The following PLXNA4 variants were observed in gnomAD, a reference collection of about 807,000 sequenced individuals.
PLXNA4 encodes plexin A4.
A neutral mutation model predicts 191.8 loss-of-function variants in PLXNA4; 44 were observed. The observed-to-expected ratio is 0.23, with a 90% CI of 0.18 to 0.29. The LOEUF (loss-of-function observed/expected upper bound fraction) is 0.29, where lower values mean the gene tolerates loss of function less well. Among genes scored for constraint, PLXNA4 ranks in the 10% least tolerant of loss-of-function variants. The pLI is 1.00. For missense variants in PLXNA4, 1,800 were observed against 2,488.8 expected, an observed-to-expected ratio of 0.72 and a Z score of 5.89; for synonymous variants, 1,082 against 1,009.5, an observed-to-expected ratio of 1.07 and a Z score of -1.36.
chr7:132,526,469 C>T (rs1031129118), intron 1 of PLXNA4, among the ~76,000 whole-genome samples: 1 of 152,170 alleles, frequency 6.6e-6, no homozygotes, highest in South Asian at 2.1e-4. Flanking sequence ...TCTATCGGAA[C>T]AAAGTGTAGG....
intron 3 of PLXNA4, among the ~76,000 whole-genome samples, chr7:132,449,331 C>T (rs995520892): frequency 6.6e-6 from 1 of 152,196 alleles, no homozygotes; most frequent in Non-Finnish European, 1.5e-5. Flanking sequence ...TTCAACTGTG[C>T]ACCTTGAACA....
chr7:132,282,942 T>C (rs1800540664), intron 4 of PLXNA4, among the ~76,000 whole-genome samples: 1 of 152,132 alleles, frequency 6.6e-6, no homozygotes, highest in Non-Finnish European at 1.5e-5. Flanking sequence ...AGTGGCACCA[T>C]CACAGCTCAC....
At chr7:132,354,753 T>C (rs1337059311) in intron 3 of PLXNA4, among the ~76,000 whole-genome samples, 1 of 152,140 alleles carries the variant, frequency 6.6e-6, no homozygotes, top group Admixed American at 6.5e-5. Context: ...CACGTACAGA[T>C]GTGGCAAAGG....
At chr7:132,210,816 A>G in intron 10 of PLXNA4, 127 bp downstream of exon 10, 1 of 1,035,820 alleles carries the variant, frequency 9.7e-7, no homozygotes, top group Non-Finnish European at 1.4e-6. Flanking sequence ...TGGGGGAAGC[A>G]GGTAGGCAGT....
intron 3 of PLXNA4, among the ~76,000 whole-genome samples, chr7:132,371,700 G>A (rs1471663585): frequency 6.6e-6 from 1 of 152,186 alleles, no homozygotes; most frequent in Non-Finnish European, 1.5e-5. Context: ...CCTTGAAAGG[G>A]ATGAATTAAA....
intron 3 of PLXNA4, among the ~76,000 whole-genome samples, chr7:132,394,178 C>T (rs975634998): frequency 2.6e-5 from 4 of 152,124 alleles, no homozygotes; most frequent in Non-Finnish European, 5.9e-5. Flanking sequence ...TTGCATACAG[C>T]CCCTGGGCCG....
At chr7:132,212,717 G>C (rs1797842866) in intron 9 of PLXNA4, among the ~76,000 whole-genome samples, 1 of 152,202 alleles carries the variant, frequency 6.6e-6, no homozygotes, top group African/African-American at 2.4e-5. Context: ...GGGAAGCTAG[G>C]AGACAGAGAG....
chr7:132,582,128 A>G (rs1802413303), upstream of PLXNA4, among the ~76,000 whole-genome samples: 2 of 152,308 alleles, frequency 1.3e-5, no homozygotes, highest in Non-Finnish European at 2.9e-5. Flanking sequence ...GTATGCCTGC[A>G]TTACAAGGAC....
intron 1 of PLXNA4, among the ~76,000 whole-genome samples, chr7:132,551,993 G>C (rs926389387): frequency 6.6e-6 from 1 of 152,106 alleles, no homozygotes; most frequent in Non-Finnish European, 1.5e-5. Flanking sequence ...GAAGGGGGTG[G>C]GGGGAAGGAG....
chr7:132,370,607 G>A (rs1197704791), intron 3 of PLXNA4, among the ~76,000 whole-genome samples: 1 of 152,108 alleles, frequency 6.6e-6, no homozygotes, highest in African/African-American at 2.4e-5. Flanking sequence ...CAGCTATCCT[G>A]GACTCTGTTT....
intron 3 of PLXNA4, among the ~76,000 whole-genome samples, chr7:132,488,182 T>A (rs1377899411): frequency 1.3e-5 from 2 of 152,118 alleles, no homozygotes; most frequent in Non-Finnish European, 2.9e-5. Context: ...CACTCTGGGG[T>A]GCCCGCCTCT....
chr7:132,508,195 C>T lies in PLXNA4; in HGVS notation c.499G>A (p.Gly167Ser), dbSNP rs534539514. 10 of 1,614,190 alleles carry T rather than the reference C, an allele frequency of 6.2e-6. No homozygotes were observed. Among genetic ancestry groups the T allele is most frequent in the Admixed American group, 1.7e-5 (1 of 60,022 alleles). ...EHYLSGVNESGSVFGVIVSYS... is the reference protein window; with the variant it reads ...EHYLSGVNESSSVFGVIVSYS... The stretch of plus-strand genomic sequence containing the variant: ...GAGACGATCACTCCAAAGACTGAGC[C>T]GCTCTCGTTGACACCTGACAGATAG... The change falls in exon 2 of 32, where the codon GGC becomes AGC. Residue 167 changes from glycine to serine, a missense_variant. Gly to Ser is a moderately conservative substitution (Grantham distance 56, BLOSUM62 0). Transcript: ENST00000321063. This position sits in a 1 kb window ranked among gnomAD's most constrained non-coding sequence, Gnocchi z 4.4.
rs1445738221 is a variant in PLXNA4, at chr7:132,164,199, G to C, written c.4443C>G (p.Ala1481=). ...GCTTGTCCTCGCTCAAGGAGTAGCG[G>C]GCCTCGCCCGTGATGGCGTCAATGG... ...KGPIDAITGE[A]RYSLSEDKLI... is the part of the protein sequence containing the mutation. Residue 1481 remains alanine (A), a synonymous_variant, in exon 24 of 32, where the codon GCC becomes GCG. Coordinates refer to ENST00000321063, the MANE Select transcript of PLXNA4 (RefSeq NM_020911.2). The C allele has an allele frequency of 6.2e-7, 1 of 1,614,228 alleles. No homozygotes were observed. The highest frequency in any genetic ancestry group is 1.3e-5 in the African/African-American group (1 of 75,060).
At chr7:132,458,650 T>C (rs540421416) in intron 3 of PLXNA4, among the ~76,000 whole-genome samples, 14 of 151,752 alleles carry the variant, frequency 9.2e-5, no homozygotes, top group Non-Finnish European at 1.6e-4. Flanking sequence ...GGATGGTGGC[T>C]GTCCCTGGTG....
At chr7:132,202,442 C>G (rs957464492) in intron 12 of PLXNA4, among the ~76,000 whole-genome samples, 1 of 152,130 alleles carries the variant, frequency 6.6e-6, no homozygotes, top group African/African-American at 2.4e-5. Flanking sequence ...GATAGTCGAG[C>G]CCCAAAAAGA....
At chr7:132,589,667 T>A (rs1396898137) in intron 2 of PLXNA4, among the ~76,000 whole-genome samples, 1 of 152,214 alleles carries the variant, frequency 6.6e-6, no homozygotes, top group Non-Finnish European at 1.5e-5. Context: ...CTGCTCTAGG[T>A]GCTGCAGATA....
chr7:132,524,132 G>A (rs1173259333), intron 1 of PLXNA4, among the ~76,000 whole-genome samples: 2 of 152,172 alleles, frequency 1.3e-5, no homozygotes, highest in Non-Finnish European at 2.9e-5. Context: ...ACCTAACCCT[G>A]CAAAAAGCCC....
At chr7:132,163,008 C>T (rs1337482873) in intron 24 of PLXNA4, among the ~76,000 whole-genome samples, 1 of 152,222 alleles carries the variant, frequency 6.6e-6, no homozygotes, top group Non-Finnish European at 1.5e-5. Flanking sequence ...GTGGCTCCCT[C>T]TCCCGACCGC....
At chr7:132,287,236 G>A (rs188110905) in intron 4 of PLXNA4, among the ~76,000 whole-genome samples, 1,582 of 152,162 alleles carry the variant, frequency 0.01, 20 homozygotes, top group Middle Eastern at 0.034. Flanking sequence ...GGGTTTCACC[G>A]TGTTGTCCAG....
Sources: allele counts gnomAD v4.1 joint callset (sites outside exome capture counted in the v4.1 genomes callset), GRCh38; gene constraint gnomAD v4.1.1; non-coding constraint Gnocchi (gnomAD v3.1); transcripts MANE v1.5; gene names NCBI Gene and HGNC (gene_info 2026-07-23, HGNC 2026-07-21).